The following SUMF1 variants were observed in gnomAD, a reference collection of about 807,000 sequenced individuals.
SUMF1 encodes sulfatase modifying factor 1.
In SUMF1, 48 loss-of-function variants were observed where a neutral mutation model predicts 47.6. The observed-to-expected ratio is 1.01, with a 90% confidence interval of 0.80 to 1.28. The LOEUF (loss-of-function observed/expected upper bound fraction) is 1.28, where lower values mean the gene tolerates loss of function less well. Ranked by LOEUF, SUMF1 falls within the 50% of genes most tolerant of loss-of-function variation. The probability of loss-of-function intolerance (pLI) is 0.00; values close to 1 mark genes in which losing one functional copy is unlikely to be tolerated. For missense variants in SUMF1, 571 were observed against 485.4 expected, an observed-to-expected ratio of 1.18 and a Z score of -1.66; for synonymous variants, 230 against 192.1, an observed-to-expected ratio of 1.20 and a Z score of -1.63.
At chr3:4,163,464 TG>T (rs1490679943) in intron 8 of SUMF1, among the ~76,000 whole-genome samples, 3 of 30,196 alleles carry the variant, frequency 9.9e-5, no homozygotes, top group African/African-American at 2.7e-4. Context: ...TTTATAAAGA[TG>T]TAAGAAAATC....
chr3:4,152,710 G>A (rs935575240), intron 8 of SUMF1, among the ~76,000 whole-genome samples: 2 of 151,472 alleles, frequency 1.3e-5, no homozygotes, highest in Non-Finnish European at 2.9e-5. Context: ...CACTTGGCTA[G>A]ACCAATGCTT....
At chr3:4,303,180 G>A (rs552104008) in intron 8 of SUMF1, 6 of 517,390 alleles carry the variant, frequency 1.2e-5, no homozygotes, top group Admixed American at 4.4e-5. Flanking sequence ...AATTATCTGT[G>A]GTGCCTCTGG....
chr3:4,205,446 T>C (rs1559563671), intron 8 of SUMF1, among the ~76,000 whole-genome samples: 1 of 152,170 alleles, frequency 6.6e-6, no homozygotes, highest in Non-Finnish European at 1.5e-5. Flanking sequence ...CATGAGACAG[T>C]TATGTTTTCT....
At chr3:4,436,793 A>C (rs1180264728) in intron 3 of SUMF1, among the ~76,000 whole-genome samples, 2 of 151,688 alleles carry the variant, frequency 1.3e-5, no homozygotes, top group Admixed American at 1.3e-4. Context: ...ACAAGAAATC[A>C]ACACCTAGAA....
At chr3:4,111,629 C>T (rs1262737113) in intron 8 of SUMF1, among the ~76,000 whole-genome samples, 3 of 151,924 alleles carry the variant, frequency 2.0e-5, no homozygotes, top group Admixed American at 2.0e-4. Context: ...GTCCCAGTTA[C>T]TCCGGAGGCT....
intron 8 of SUMF1, among the ~76,000 whole-genome samples, chr3:4,146,859 C>T (rs906569329): frequency 1.3e-5 from 2 of 152,084 alleles, no homozygotes; most frequent in African/African-American, 4.8e-5. Context: ...CTAAAAAGGA[C>T]ATGAACTCAT....
At position 4,241,932 on chromosome 3, in the gene SUMF1, C is replaced by T. The variant is rs558032015; in HGVS notation, c.1014+134398G>A. 1.1e-3 allele frequency among the ~76,000 whole-genome samples: 172 copies of T among 152,240 alleles called. 1 individual carries two copies. The highest frequency in any genetic ancestry group is 1.5e-3 in the African/African-American group (63 of 41,554). On this transcript the variant is annotated intron_variant and NMD_transcript_variant, in intron 8 of 12. Transcript: ENST00000448413. ...ACATAACACACAGGGAAGTTGACTA[C>T]GTCACCCTAATCTTCTTACTATGCA...
chr3:4,095,868 G>T (rs1037835808), intron 8 of SUMF1, among the ~76,000 whole-genome samples: 2 of 152,110 alleles, frequency 1.3e-5, no homozygotes, highest in African/African-American at 4.8e-5. Flanking sequence ...CACTGAACAA[G>T]GGAAAGCAAA....
intron 1 of SUMF1, among the ~76,000 whole-genome samples, chr3:4,453,349 A>C (rs1167449564): frequency 1.3e-5 from 2 of 152,138 alleles, no homozygotes; most frequent in Admixed American, 1.3e-4. Context: ...GCTAGAATGC[A>C]GAGGTAGCGA....
rs181039951 is a variant in SUMF1 at position 4,311,975 on chromosome 3, G to C, written c.1014+64355C>G. The stretch of plus-strand genomic sequence containing the variant: ...GAGATCAGGCTTCACATAGAGTTTA[G>C]ATTGAGGATTGTCTTCTTTTTATAT... On this transcript the variant is annotated intron_variant and NMD_transcript_variant, in intron 8 of 12. Coordinates refer to the SUMF1 transcript ENST00000448413. Among the ~76,000 whole-genome samples the C allele has an allele frequency of 8.5e-5, 13 of 152,284 alleles. No homozygotes were observed. In the East Asian group the frequency reaches 2.1e-3, roughly 25 times the overall value.
chr3:4,351,305 G>C (rs1035376941), intron 8 of SUMF1, among the ~76,000 whole-genome samples: 2 of 152,178 alleles, frequency 1.3e-5, no homozygotes, highest in Non-Finnish European at 2.9e-5. Flanking sequence ...CCCTGAAACT[G>C]AGTCTTAACG....
At chr3:4,145,008 G>A (rs1694159892) in intron 8 of SUMF1, among the ~76,000 whole-genome samples, 1 of 151,860 alleles carries the variant, frequency 6.6e-6, no homozygotes, top group African/African-American at 2.4e-5. Context: ...GACCATCCTG[G>A]CTAACACGGT....
intron 8 of SUMF1, among the ~76,000 whole-genome samples, chr3:4,077,101 C>T (rs987322348): frequency 2.0e-5 from 3 of 152,092 alleles, no homozygotes; most frequent in African/African-American, 7.3e-5. Context: ...CAAAACCACA[C>T]TGAGATACCA....
intron 8 of SUMF1, among the ~76,000 whole-genome samples, chr3:4,259,028 C>G (rs1559623972): frequency 6.7e-6 from 1 of 149,566 alleles, no homozygotes; most frequent in Non-Finnish European, 1.5e-5. Flanking sequence ...AAACCAAACA[C>G]CGCATATTCT....
At chr3:4,347,735 T>A (rs1449236360) in intron 8 of SUMF1, among the ~76,000 whole-genome samples, 1 of 152,186 alleles carries the variant, frequency 6.6e-6, no homozygotes, top group African/African-American at 2.4e-5. Context: ...AGAGAGGAAG[T>A]CAGATTGTCT....
intron 8 of SUMF1, among the ~76,000 whole-genome samples, chr3:4,129,170 G>A (rs371229034): frequency 1.2e-4 from 18 of 152,092 alleles, no homozygotes; most frequent in African/African-American, 4.3e-4. Context: ...TTCTCTGCAT[G>A]TCATATCTAA....
chr3:4,220,440 T>C (rs765285130), intron 8 of SUMF1, among the ~76,000 whole-genome samples: 4 of 152,132 alleles, frequency 2.6e-5, no homozygotes, highest in Non-Finnish European at 4.4e-5. Context: ...GAGAAGTTCA[T>C]AGGAGCATTG....
chr3:4,410,820 C>G lies in SUMF1; in HGVS notation c.954+45G>C, dbSNP rs368318151. 1.4e-5 allele frequency: 22 copies of G among 1,556,738 alleles called. No homozygotes were observed. The African/African-American group carries it at 1.9e-4, about 13-fold the overall frequency. On this transcript the variant is annotated intron_variant, in intron 7 of 8. Transcript: ENST00000272902. ...GCCTGGCTGCAGACTGCCCAGAGGACAGATGCCACCATTCCAAGACACATG... is the reference window on the plus strand; with the variant it reads ...GCCTGGCTGCAGACTGCCCAGAGGAGAGATGCCACCATTCCAAGACACATG...
At chr3:4,239,396 C>G (rs1464336399) in intron 8 of SUMF1, among the ~76,000 whole-genome samples, 5 of 152,132 alleles carry the variant, frequency 3.3e-5, no homozygotes, top group Admixed American at 6.5e-5. Context: ...TTGATTACTC[C>G]TATCCATAAG....
Sources: gnomAD v4.1 joint callset for allele counts (sites outside exome capture counted in the v4.1 genomes callset) on GRCh38, gnomAD v4.1.1 for gene constraint, MANE v1.5 for transcripts, NCBI Gene and HGNC (gene_info 2026-07-23, HGNC 2026-07-21) for gene names.